The following SLC35E1 variants were observed in gnomAD, a reference collection of about 807,000 sequenced individuals.
SLC35E1 encodes solute carrier family 35, member E1.
SLC35E1 carries 12 observed loss-of-function variants against 31.0 expected under a neutral mutation model. The ratio of observed to expected loss-of-function variants is 0.39; its 90% CI spans 0.25 to 0.63. SLC35E1 has a LOEUF of 0.63. Ranked by LOEUF, SLC35E1 falls within the 20% of genes least tolerant of loss-of-function variation. SLC35E1 has a pLI of 0.52. For synonymous variants in SLC35E1, 257 were observed against 264.1 expected (o/e 0.97, Z 0.26); for missense variants, 429 against 572.2 (o/e 0.75, Z 2.55).
At position 16,553,664 on chromosome 19, in the gene SLC35E1, C is replaced by A; in HGVS notation, c.*15G>T. 5 of 1,488,996 alleles carry A rather than the reference C, an allele frequency of 3.4e-6. No homozygotes were observed. The highest frequency in any genetic ancestry group is 4.5e-6 in the Non-Finnish European group (5 of 1,110,890). 92.2% of individuals were successfully genotyped at this position (1,488,996 alleles called of 1,614,324 possible). A position where few individuals can be genotyped will look rare whatever the true frequency, so the allele number is the denominator to read the frequency against. ...GGGAAGGAGTCACCAACAGTCTGGT[C>A]CTGTCCTTTGGACTCTACACATCAT... On this transcript the variant is annotated 3_prime_UTR_variant, in exon 6 of 6. Coordinates refer to ENST00000595753, the MANE Select transcript of SLC35E1 (RefSeq NM_024881.5).
chr19:16,571,932 C>A lies in SLC35E1; in HGVS notation c.421+12G>T, dbSNP rs962601587. On this transcript the variant is annotated intron_variant, in intron 1 of 5. Transcript: ENST00000595753. ...CCCGGCCGCCGCCCCCGAGGCCGGG[C>A]GCGGAACCTACCGGTGTGTGCATAG... The A allele has an allele frequency of 1.1e-5, 17 of 1,538,488 alleles. 1 individual carries two copies. The African/African-American group carries it at 1.7e-4, about 15-fold the overall frequency.
In SLC35E1 at chr19:16,555,430, A is replaced by G; in HGVS notation, c.757-33T>C. 1 of 1,606,984 alleles carries G rather than the reference A, an allele frequency of 6.2e-7. No homozygotes were observed. Among genetic ancestry groups the G allele is most frequent in the Admixed American group, 1.7e-5 (1 of 59,830 alleles). ...GACCGGAAGGTAAAGACAGCACTTCAGTGGGCAGCGGTGACCCTGCCTCCC... is the reference window on the plus strand; with the variant it reads ...GACCGGAAGGTAAAGACAGCACTTCGGTGGGCAGCGGTGACCCTGCCTCCC... On this transcript the variant is annotated intron_variant, in intron 4 of 5. Coordinates refer to ENST00000595753, the MANE Select transcript of SLC35E1 (RefSeq NM_024881.5). The surrounding 1 kb of genome is among the most constrained non-coding windows in gnomAD (Gnocchi z 4.1).
chr19:16,553,630 T>TG lies in SLC35E1; in HGVS notation c.*48dup. 7.1e-7 allele frequency: 1 copy of TG among 1,403,904 alleles called. No individual in the cohort carries two copies. The highest frequency in any genetic ancestry group is 2.5e-5 in the East Asian group (1 of 39,864). The allele number at this position is 1,403,904 out of a possible 1,614,324, so 87.0% of individuals were successfully genotyped here. A position where few individuals can be genotyped will look rare whatever the true frequency, so the allele number is the denominator to read the frequency against. On this transcript the variant is annotated 3_prime_UTR_variant, in exon 6 of 6. Transcript: ENST00000595753. ...TTGTCAGAAGTTTCTGATACTGCTG[T>TG]GGGGGCCGGGGAAGGAGTCACCAAC...
Position 16,561,213 on chromosome 19 carries a change from CAAAAAAAAAA to C in SLC35E1, c.756+5309_756+5318del, listed in dbSNP as rs59176175. 3.3e-3 allele frequency among the ~76,000 whole-genome samples: 81 copies of C among 24,744 alleles called. 1 individual carries two copies. The highest frequency in any genetic ancestry group is 6.9e-3 in the African/African-American group (24 of 3,460). The allele number at this position is 24,744 out of a possible 152,430, so 16.2% of individuals were successfully genotyped here. A position where few individuals can be genotyped will look rare whatever the true frequency, so the allele number is the denominator to read the frequency against. On this transcript the variant is annotated intron_variant, in intron 4 of 5. Transcript: ENST00000595753. ...TGGGCAACAGATCAAGACTCCATCT[CAAAAAAAAAA>C]AAAAAAAAAAAAAAAAAAAAGAAAG... is the stretch of plus-strand genomic sequence containing the variant.
At position 16,554,229 on chromosome 19, in the gene SLC35E1, G is replaced by A. The variant is rs562214275; in HGVS notation, c.1003-320C>T. Among the ~76,000 whole-genome samples, 190 of 142,658 alleles carry A rather than the reference G, an allele frequency of 1.3e-3. 2 individuals are homozygous for A. Among genetic ancestry groups the A allele is most frequent in the African/African-American group, 4.5e-3 (171 of 37,622 alleles). The allele number at this position is 142,658 out of a possible 152,430, so 93.6% of individuals were successfully genotyped here. On this transcript the variant is annotated intron_variant, in intron 5 of 5. Coordinates refer to ENST00000595753, the MANE Select transcript of SLC35E1 (RefSeq NM_024881.5). ...TGCAGTGAGCTGGGACCATACCACTGCACTCCAGCCTGGGAGACAGAGCAA... is the reference window on the plus strand; with the variant it reads ...TGCAGTGAGCTGGGACCATACCACTACACTCCAGCCTGGGAGACAGAGCAA...
chr19:16,572,136 G>A lies in SLC35E1; in HGVS notation c.229C>T (p.Leu77=). 2 of 1,510,654 alleles carry A rather than the reference G, an allele frequency of 1.3e-6. No homozygotes were observed. Among genetic ancestry groups the A allele is most frequent in the Non-Finnish European group, 1.8e-6 (2 of 1,129,958 alleles). The allele number at this position is 1,510,654 out of a possible 1,614,324, so 93.6% of individuals were successfully genotyped here. The change falls in exon 1 of 6, where the codon CTG becomes TTG. Residue 77 remains leucine, a synonymous_variant. Coordinates refer to ENST00000595753, the MANE Select transcript of SLC35E1 (RefSeq NM_024881.5). This position sits in a 1 kb window ranked among gnomAD's most constrained non-coding sequence, Gnocchi z 4.1. Reference sequence around the variant, plus strand: ...GCGGGGGGCACGCGCCAGGCGCGCAGCAGCGGCGGGAGCCCAGCGCACAGA... The same window carrying A: ...GCGGGGGGCACGCGCCAGGCGCGCAACAGCGGCGGGAGCCCAGCGCACAGA... The part of the protein sequence containing the change: ...LALCAGLPPL[L]RAWRVPPAPP...
intron 4 of SLC35E1, 117 bp downstream of exon 4, chr19:16,566,409 AGCGCTG>A: frequency 7.4e-7 from 1 of 1,358,842 alleles, no homozygotes; most frequent in East Asian, 2.4e-5. Context: ...GACTGCTGAA[AGCGCTG>A]GCTGTCAGGT....
chr19:16,563,655 A>G (rs973518825), intron 4 of SLC35E1, among the ~76,000 whole-genome samples: 7 of 152,030 alleles, frequency 4.6e-5, no homozygotes, highest in Non-Finnish European at 8.8e-5. Context: ...TAATTTTTAT[A>G]TTTTTTCTAG....
chr19:16,560,867 CAAA>C (rs370428585), intron 4 of SLC35E1, among the ~76,000 whole-genome samples: 1 of 67,580 alleles, frequency 1.5e-5, no homozygotes, highest in Non-Finnish European at 2.9e-5. Flanking sequence ...ATCTCAAAAA[CAAA>C]AAAAAAAAAC....
Position 16,571,853 on chromosome 19 carries a change from G to C in SLC35E1, c.421+91C>G, listed in dbSNP as rs1275803487. On this transcript the variant is annotated intron_variant, in intron 1 of 5. Transcript: ENST00000595753. ...CTCTGCTGACTTCTCAGTCCGGCGGGACGCGCCCCGGGCGGCGCACTCCTA... is the reference window on the plus strand; with the variant it reads ...CTCTGCTGACTTCTCAGTCCGGCGGCACGCGCCCCGGGCGGCGCACTCCTA... The C allele has an allele frequency of 3.0e-6, 4 of 1,341,958 alleles. No individual in the cohort carries two copies. In the East Asian group the frequency reaches 7.6e-5, roughly 25 times the overall value. The allele number at this position is 1,341,958 out of a possible 1,614,324, so 83.1% of individuals were successfully genotyped here. A position where few individuals can be genotyped will look rare whatever the true frequency, so the allele number is the denominator to read the frequency against.
At position 16,549,948 on chromosome 19, in the gene SLC35E1, A is replaced by G. The variant is rs1291657142; in HGVS notation, c.*3731T>C. 6.6e-6 allele frequency: 1 copy of G among 152,192 alleles called. No homozygotes were observed. Among genetic ancestry groups the G allele is most frequent in the Non-Finnish European group, 1.5e-5 (1 of 68,034 alleles). 9.4% of individuals were successfully genotyped at this position (152,192 alleles called of 1,614,324 possible). ...CTTGAAAACAGGTGACAATTGAAAA[A>G]CATTATAATATTTTCAGGTCTTTTA... On this transcript the variant is annotated 3_prime_UTR_variant, in exon 6 of 6. Transcript: ENST00000595753.
chr19:16,563,833 G>A (rs899830117), intron 4 of SLC35E1, among the ~76,000 whole-genome samples: 2 of 152,218 alleles, frequency 1.3e-5, no homozygotes, highest in African/African-American at 4.8e-5. Context: ...TGTGCTGTGA[G>A]AATGCTCATT....
intron 4 of SLC35E1, among the ~76,000 whole-genome samples, chr19:16,563,493 C>T (rs1307958137): frequency 6.6e-6 from 1 of 152,044 alleles, no homozygotes; most frequent in Non-Finnish European, 1.5e-5. Context: ...AGGGAGAGTA[C>T]AGGAATCATG....
At chr19:16,556,459 C>T (rs73514954) in intron 4 of SLC35E1, among the ~76,000 whole-genome samples, 5,539 of 152,086 alleles carry the variant, frequency 0.036, 239 homozygotes, top group Admixed American at 0.088. Flanking sequence ...CAGTGAGCTA[C>T]GATGGCGCCA....
At chr19:16,568,221 C>A in intron 2 of SLC35E1, 52 bp from the exon 3 acceptor site, 1 of 1,536,248 alleles carries the variant, frequency 6.5e-7, no homozygotes, top group South Asian at 1.2e-5. Context: ...AGAGCTGGGC[C>A]ACATGCCACA....
intron 4 of SLC35E1, among the ~76,000 whole-genome samples, chr19:16,563,003 T>A (rs776756859): frequency 6.6e-6 from 1 of 152,236 alleles, no homozygotes; most frequent in Non-Finnish European, 1.5e-5. Context: ...TGTGAGGCAC[T>A]GTGCCTGACC....
chr19:16,557,144 A>C (rs1386494651), intron 4 of SLC35E1: 4 of 347,698 alleles, frequency 1.2e-5, no homozygotes, highest in African/African-American at 2.2e-5. Context: ...AAAACAAAAA[A>C]AAAGATACAT....
chr19:16,558,522 A>G (rs1283289853), intron 4 of SLC35E1, among the ~76,000 whole-genome samples: 1 of 151,836 alleles, frequency 6.6e-6, no homozygotes, highest in Non-Finnish European at 1.5e-5. Flanking sequence ...TTTTTAGTAG[A>G]GGAGGAGTTT....
In SLC35E1 at chr19:16,553,677, C is replaced by T. The variant is rs2085857404; in HGVS notation, c.*2G>A. 3.9e-6 allele frequency: 6 copies of T among 1,523,354 alleles called. No individual in the cohort carries two copies. The highest frequency in any genetic ancestry group is 1.9e-5 in the Admixed American group (1 of 51,816). 94.4% of individuals were successfully genotyped at this position (1,523,354 alleles called of 1,614,324 possible). ...CAACAGTCTGGTCCTGTCCTTTGGA[C>T]TCTACACATCATAGCGGTTCAAACT... On this transcript the variant is annotated 3_prime_UTR_variant, in exon 6 of 6. Coordinates refer to ENST00000595753, the MANE Select transcript of SLC35E1 (RefSeq NM_024881.5).
Sources: allele counts gnomAD v4.1 joint callset (sites outside exome capture counted in the v4.1 genomes callset), GRCh38; gene constraint gnomAD v4.1.1; non-coding constraint Gnocchi (gnomAD v3.1); transcripts MANE v1.5; gene names NCBI Gene and HGNC (gene_info 2026-07-23, HGNC 2026-07-21).